GPAM: variants seen among roughly 807,000 people sequenced by gnomAD.
The protein encoded by GPAM is glycerol-3-phosphate acyltransferase, mitochondrial, also known as glycerol-3-phosphate acyltransferase 1, mitochondrial.
In GPAM, 56 loss-of-function variants were observed where a neutral mutation model predicts 105.0. The ratio of observed to expected loss-of-function variants is 0.53; its 90% CI spans 0.43 to 0.67. The LOEUF (loss-of-function observed/expected upper bound fraction) is 0.67. Among genes scored for constraint, GPAM ranks in the 30% least tolerant of loss-of-function variants. GPAM has a pLI of 0.00. For synonymous variants in GPAM, 368 were observed against 354.4 expected, an observed-to-expected ratio of 1.04 and a Z score of -0.43; for missense variants, 855 against 989.8, an observed-to-expected ratio of 0.86 and a Z score of 1.83.
Position 112,166,437 on chromosome 10 carries a change from C to A in GPAM, c.1186G>T (p.Val396Phe). ...AATGGCTGTGCAAAATCCACTCGGA[C>A]ACAACCATAGTTTTTTCGTAACATT... is the stretch of plus-strand genomic sequence containing the variant. ...IRMLRKNYGC[V>F]RVDFAQPFSL... Residue 396 changes from valine (V) to phenylalanine (F), a missense_variant, in exon 12 of 22, where the codon GTC becomes TTC. Val to Phe is a conservative substitution (Grantham distance 50, BLOSUM62 -1). Coordinates refer to ENST00000348367, the MANE Select transcript of GPAM (RefSeq NM_001244949.2). The A allele has an allele frequency of 6.2e-7, 1 of 1,608,774 alleles. No individual in the cohort carries two copies. Among genetic ancestry groups the A allele is most frequent in the Non-Finnish European group, 8.5e-7 (1 of 1,175,084 alleles).
In GPAM at chr10:112,156,007, C is replaced by A. The variant is rs746352984; in HGVS notation, c.2168G>T (p.Arg723Ile). Residue 723 changes from arginine (R) to isoleucine (I), a missense_variant, in exon 20 of 22, where the codon AGA becomes ATA. Transcript: ENST00000348367. ...EHQQFITFLQ[R>I]LLGPLLEAYS... ...GGCCTCCAGCAAAGGCCCAAGGAGT[C>A]TCTGTAAGAAGGTGATAAACTGCTG... 3 of 1,613,212 alleles carry A rather than the reference C, an allele frequency of 1.9e-6. No homozygotes were observed. The highest frequency in any genetic ancestry group is 1.1e-5 in the South Asian group (1 of 91,058).
chr10:112,199,527 T>C (rs1350618043), intron 1 of GPAM, among the ~76,000 whole-genome samples: 1 of 152,206 alleles, frequency 6.6e-6, no homozygotes, highest in African/African-American at 2.4e-5. Flanking sequence ...GTTAAGAGAA[T>C]AGATTTTAAA....
intron 19 of GPAM, 42 bp from the exon 20 acceptor site, chr10:112,156,095 CA>C (rs747239659): frequency 1.1e-5 from 15 of 1,375,614 alleles, no homozygotes; most frequent in Non-Finnish European, 1.2e-5. Context: ...GAGGAAGGGA[CA>C]AGAGACACAA....
chr10:112,184,143 AG>A (rs111517289), upstream of GPAM, among the ~76,000 whole-genome samples: 3,126 of 152,254 alleles, frequency 0.021, 98 homozygotes, highest in African/African-American at 0.068. Context: ...TGGGAGAGGC[AG>A]GGATTGCAAA....
the GPAM span, among the ~76,000 whole-genome samples, chr10:112,220,383 G>A: frequency 7.1e-6 from 1 of 140,900 alleles, no homozygotes; most frequent in Non-Finnish European, 1.6e-5. Context: ...CTCTATCTAG[G>A]CAGTAGGCAA....
intron 10 of GPAM, 58 bp from the exon 11 acceptor site, chr10:112,168,582 T>C: frequency 8.6e-7 from 1 of 1,163,688 alleles, no homozygotes; most frequent in Non-Finnish European, 1.3e-6. Context: ...TAGAATGAGC[T>C]CAGAAAAATT....
At chr10:112,179,419 A>T (rs1406915875) in intron 4 of GPAM, among the ~76,000 whole-genome samples, 3 of 152,240 alleles carry the variant, frequency 2.0e-5, no homozygotes, top group African/African-American at 7.2e-5. Context: ...CAAGTGACCT[A>T]TTAATCTGAA....
chr10:112,151,475 C>A lies in GPAM; in HGVS notation c.*2075G>T, dbSNP rs140201994. ...CAAAGCACCAGTTAATTACAAAAAG[C>A]ATGCATATTTATCCTCACAGTGAGT... On this transcript the variant is annotated 3_prime_UTR_variant, in exon 22 of 22. Transcript: ENST00000348367. 1.1e-3 allele frequency: 1,075 copies of A among 985,762 alleles called. 8 individuals are homozygous for A. The African/African-American group carries it at 0.013, about 12-fold the overall frequency. 61.1% of individuals were successfully genotyped at this position (985,762 alleles called of 1,614,324 possible). A position where few individuals can be genotyped will look rare whatever the true frequency, so the allele number is the denominator to read the frequency against.
the GPAM span, among the ~76,000 whole-genome samples, chr10:112,223,247 T>A: frequency 6.6e-6 from 1 of 152,120 alleles, no homozygotes; most frequent in Non-Finnish European, 1.5e-5. Flanking sequence ...CCTCCCCCAA[T>A]AAATCTTTTA....
chr10:112,155,668 G>A (rs922759948), intron 20 of GPAM, 196 bp downstream of exon 20: 8 of 493,078 alleles, frequency 1.6e-5, no homozygotes, highest in Admixed American at 3.6e-5. Context: ...ATAACGTTAC[G>A]TGAAAAAAGC....
Position 112,181,763 on chromosome 10 carries a change from G to A in GPAM, c.22C>T (p.Leu8Phe), listed in dbSNP as rs1453337802. Reference sequence around the variant, plus strand: ...AGATAAGAAACATCTATTGTACCAAGGGTCAGTGCAGATTCATCCATGTCA... The same window carrying A: ...AGATAAGAAACATCTATTGTACCAAAGGTCAGTGCAGATTCATCCATGTCA... MDESALT[L>F]GTIDVSYLPH... Residue 8 changes from leucine (L) to phenylalanine (F), a missense_variant, in exon 3 of 22, where the codon CTT (leucine) becomes TTT (phenylalanine). Coordinates refer to ENST00000348367, the MANE Select transcript of GPAM (RefSeq NM_001244949.2). 6.2e-7 allele frequency: 1 copy of A among 1,604,494 alleles called. No individual in the cohort carries two copies. The highest frequency in any genetic ancestry group is 1.3e-5 in the African/African-American group (1 of 74,776).
Position 112,153,366 on chromosome 10 carries a change from G to C in GPAM, c.*184C>G, listed in dbSNP as rs1846954733. On this transcript the variant is annotated 3_prime_UTR_variant, in exon 22 of 22. Transcript: ENST00000348367. ...CCCCAAGTGTTATCTGCAGGCTGCTGTGTTGATGCAGAGCTGGGAAGATCA... is the reference window on the plus strand; with the variant it reads ...CCCCAAGTGTTATCTGCAGGCTGCTCTGTTGATGCAGAGCTGGGAAGATCA... The C allele has an allele frequency of 6.5e-7, 1 of 1,536,924 alleles. No homozygotes were observed. The highest frequency in any genetic ancestry group is 2.3e-5 in the East Asian group (1 of 43,144).
chr10:112,222,883 G>A, the GPAM span, among the ~76,000 whole-genome samples: 1 of 151,958 alleles, frequency 6.6e-6, no homozygotes, highest in Non-Finnish European at 1.5e-5. Context: ...CAGCCACAGA[G>A]GAGCACTGTT....
chr10:112,193,747 T>C (rs1017406867), intron 1 of GPAM, among the ~76,000 whole-genome samples: 4 of 152,296 alleles, frequency 2.6e-5, no homozygotes, highest in African/African-American at 9.6e-5. Context: ...TCTGAAAACA[T>C]TATGATAATT....
intron 14 of GPAM, among the ~76,000 whole-genome samples, chr10:112,162,386 A>AT (rs1309222552): frequency 6.6e-6 from 1 of 152,202 alleles, no homozygotes; most frequent in African/African-American, 2.4e-5. Context: ...GGTGCTCAGC[A>AT]TATTTGTATT....
intron 1 of GPAM, among the ~76,000 whole-genome samples, chr10:112,213,184 T>C (rs1309951790): frequency 1.3e-5 from 2 of 152,348 alleles, no homozygotes; most frequent in Admixed American, 1.3e-4. Flanking sequence ...CAGCCTGCTA[T>C]CATTCATTCA....
intron 2 of GPAM, 67 bp downstream of exon 2, chr10:112,182,727 G>A (rs193146925): frequency 2.0e-4 from 30 of 152,312 alleles, no homozygotes; most frequent in African/African-American, 7.0e-4. Context: ...AACCACCTAT[G>A]TCCTTAAAAA....
intron 1 of GPAM, among the ~76,000 whole-genome samples, chr10:112,204,781 G>A (rs112728185): frequency 0.032 from 4,766 of 149,090 alleles, 169 homozygotes; most frequent in African/African-American, 0.091. Flanking sequence ...CTCTCTCACC[G>A]CTCCTATTCA....
chr10:112,169,415 A>G (rs991418014), intron 9 of GPAM, among the ~76,000 whole-genome samples: 2 of 152,228 alleles, frequency 1.3e-5, no homozygotes, highest in Non-Finnish European at 2.9e-5. Flanking sequence ...TATTGTTTAC[A>G]GAGGATCCTT....
Sources: gnomAD v4.1 joint callset for allele counts (sites outside exome capture counted in the v4.1 genomes callset) on GRCh38, gnomAD v4.1.1 for gene constraint, MANE v1.5 for transcripts, NCBI Gene and HGNC (gene_info 2026-07-23, HGNC 2026-07-21) for gene names.